ROBO1: variants seen among roughly 807,000 people sequenced by gnomAD.
ROBO1 encodes the protein roundabout guidance receptor 1, also known as roundabout homolog 1.
ROBO1 carries 149 observed loss-of-function variants against 195.9 expected under a neutral mutation model. That is an observed-to-expected ratio of 0.76 (90% confidence interval 0.67 to 0.87). ROBO1 has a LOEUF of 0.87. Among genes scored for constraint, ROBO1 ranks in the 40% least tolerant of loss-of-function variants. ROBO1 has a pLI of 0.00. For synonymous variants in ROBO1, 816 were observed against 733.2 expected, an observed-to-expected ratio of 1.11 and a Z score of -1.82; for missense variants, 1,933 against 2,068.3, an observed-to-expected ratio of 0.93 and a Z score of 1.27.
intron 3 of ROBO1, among the ~76,000 whole-genome samples, chr3:79,058,833 C>A (rs2078861421): frequency 6.6e-6 from 1 of 152,050 alleles, no homozygotes; most frequent in South Asian, 2.1e-4. Context: ...AGTGTTACAG[C>A]AAATTCTAAA....
In ROBO1 at chr3:79,399,020, A is replaced by C. The variant is rs531282791; in HGVS notation, c.88+190804T>G. On this transcript the variant is annotated intron_variant, in intron 2 of 30. Coordinates refer to ENST00000464233, the MANE Select transcript of ROBO1 (RefSeq NM_002941.4). ...GGGGACTAGACAGCCTCCATTGAGA[A>C]ACAAGGATTATGCTGAGAAATAGAA... Among the ~76,000 whole-genome samples, 27 of 152,210 alleles carry C rather than the reference A, an allele frequency of 1.8e-4. No individual in the cohort carries two copies. The South Asian group carries it at 5.6e-3, about 32-fold the overall frequency.
chr3:79,200,445 T>C (rs2081741278), intron 2 of ROBO1, among the ~76,000 whole-genome samples: 1 of 151,822 alleles, frequency 6.6e-6, no homozygotes, highest in South Asian at 2.1e-4. Flanking sequence ...TATATATGAT[T>C]CTCGGTACCT....
At chr3:79,120,758 T>C (rs2080102075) in intron 3 of ROBO1, among the ~76,000 whole-genome samples, 1 of 152,004 alleles carries the variant, frequency 6.6e-6, no homozygotes, top group South Asian at 2.1e-4. Flanking sequence ...CAAAAAATAA[T>C]CAATTGTATA....
In ROBO1 at chr3:78,871,895, TATC is replaced by T. The variant is rs143900907; in HGVS notation, c.499+66703_499+66705del. 1.4e-3 allele frequency among the ~76,000 whole-genome samples: 215 copies of T among 152,306 alleles called. 4 individuals carry two copies. In the East Asian group the frequency reaches 0.033, roughly 23 times the overall value. ...GGAATTACCCCACCTATTGCTGTAATATCATGCTGCTGATGCTCAACTATATTA... is the reference window on the plus strand; with the variant it reads ...GGAATTACCCCACCTATTGCTGTAATATGCTGCTGATGCTCAACTATATTA... On this transcript the variant is annotated intron_variant, in intron 4 of 30. Coordinates refer to ENST00000464233, the MANE Select transcript of ROBO1 (RefSeq NM_002941.4).
At chr3:79,023,996 C>T (rs1323694906) in intron 3 of ROBO1, among the ~76,000 whole-genome samples, 1 of 151,940 alleles carries the variant, frequency 6.6e-6, no homozygotes, top group Non-Finnish European at 1.5e-5. Context: ...AGGCGTGAGC[C>T]ACCGCGCCTG....
chr3:79,264,781 T>C (rs1431621533), intron 2 of ROBO1, among the ~76,000 whole-genome samples: 1 of 151,854 alleles, frequency 6.6e-6, no homozygotes, highest in African/African-American at 2.4e-5. Context: ...AGCTAATAGG[T>C]TGGACAGCAA....
At chr3:79,058,622 A>T (rs908798109) in intron 3 of ROBO1, among the ~76,000 whole-genome samples, 2 of 152,030 alleles carry the variant, frequency 1.3e-5, no homozygotes, top group Admixed American at 6.6e-5. Flanking sequence ...GCCTCCTCAC[A>T]TGCTGTTAGT....
chr3:79,723,387 C>G (rs1042780739), intron 1 of ROBO1, among the ~76,000 whole-genome samples: 2 of 152,058 alleles, frequency 1.3e-5, no homozygotes, highest in Admixed American at 1.3e-4. Flanking sequence ...TAATCAGATT[C>G]ATTTTAATAA....
intron 2 of ROBO1, among the ~76,000 whole-genome samples, chr3:79,498,078 C>A (rs1254851484): frequency 6.6e-6 from 1 of 152,104 alleles, no homozygotes; most frequent in Non-Finnish European, 1.5e-5. Context: ...ATGACCAACA[C>A]AGTATTTTAT....
At chr3:78,974,403 T>C (rs1316364487) in intron 3 of ROBO1, among the ~76,000 whole-genome samples, 1 of 152,146 alleles carries the variant, frequency 6.6e-6, no homozygotes, top group Non-Finnish European at 1.5e-5. Flanking sequence ...GAATCAAAAC[T>C]CATGGTAGCG....
chr3:79,268,938 A>G (rs2030256823), intron 2 of ROBO1, among the ~76,000 whole-genome samples: 1 of 151,764 alleles, frequency 6.6e-6, no homozygotes, highest in South Asian at 2.1e-4. Context: ...AAAATATTTC[A>G]TAATAAGTAC....
chr3:79,553,031 T>C (rs1285921832), intron 2 of ROBO1, among the ~76,000 whole-genome samples: 1 of 152,066 alleles, frequency 6.6e-6, no homozygotes, highest in African/African-American at 2.4e-5. Flanking sequence ...AACATACTGC[T>C]AGTTCAGTAG....
intron 10 of ROBO1, among the ~76,000 whole-genome samples, chr3:78,682,021 T>C (rs1380828092): frequency 6.6e-6 from 1 of 152,174 alleles, no homozygotes; most frequent in African/African-American, 2.4e-5. Flanking sequence ...ATACACTTTA[T>C]CCTGAGAACA....
chr3:79,492,588 A>G (rs991918987), intron 2 of ROBO1, among the ~76,000 whole-genome samples: 2 of 152,076 alleles, frequency 1.3e-5, no homozygotes, highest in African/African-American at 4.8e-5. Flanking sequence ...ATATAAATAA[A>G]TGTATTATGG....
intron 1 of ROBO1, among the ~76,000 whole-genome samples, chr3:79,691,819 G>A (rs921959597): frequency 1.1e-4 from 16 of 151,950 alleles, no homozygotes; most frequent in African/African-American, 3.9e-4. Flanking sequence ...ATATTCTGCT[G>A]TATGTTTAAA....
intron 3 of ROBO1, among the ~76,000 whole-genome samples, chr3:79,078,642 T>C (rs963192914): frequency 6.6e-6 from 1 of 151,524 alleles, no homozygotes; most frequent in Non-Finnish European, 1.5e-5. Context: ...AAAGTAGGAG[T>C]GAAAATACTG....
At chr3:79,365,714 G>A (rs2035947658) in intron 2 of ROBO1, among the ~76,000 whole-genome samples, 1 of 152,048 alleles carries the variant, frequency 6.6e-6, no homozygotes, top group African/African-American at 2.4e-5. Flanking sequence ...TGGCTAACAC[G>A]GTGAAACCCC....
At chr3:79,123,627 TC>T (rs1284955674) in intron 3 of ROBO1, among the ~76,000 whole-genome samples, 2 of 151,944 alleles carry the variant, frequency 1.3e-5, no homozygotes, top group Non-Finnish European at 2.9e-5. Context: ...AGAATAGACT[TC>T]CTTTAGCACT....
Position 78,614,808 on chromosome 3 carries a change from G to GA in ROBO1, c.4283-9dup, listed in dbSNP as rs748984685. ...CATGAAAATGTCGACGGCCTAAGGAGAAAAAAAAAAAAAATCCAAGCCAAA... is the reference window on the plus strand; with the variant it reads ...CATGAAAATGTCGACGGCCTAAGGAGAAAAAAAAAAAAAAATCCAAGCCAAA... On this transcript the variant is annotated splice_polypyrimidine_tract_variant and intron_variant, in intron 27 of 30. Coordinates refer to ENST00000464233, the MANE Select transcript of ROBO1 (RefSeq NM_002941.4). 0.087 allele frequency: 86,003 copies of GA among 986,974 alleles called. 54 individuals carry two copies. The highest frequency in any genetic ancestry group is 0.12 in the South Asian group (5,726 of 48,482). 61.1% of individuals were successfully genotyped at this position (986,974 alleles called of 1,614,324 possible).
Sources: allele counts gnomAD v4.1 joint callset (sites outside exome capture counted in the v4.1 genomes callset), GRCh38; gene constraint gnomAD v4.1.1; transcripts MANE v1.5; gene names NCBI Gene and HGNC (gene_info 2026-07-23, HGNC 2026-07-21).